Variants in LSM14A observed in about 807,000 individuals in gnomAD.
LSM14A encodes LSM14A mRNA processing body assembly factor, also known as protein LSM14 homolog A.
LSM14A carries 14 observed loss-of-function variants against 52.4 expected under a neutral mutation model. That is an observed-to-expected ratio of 0.27 (90% confidence interval 0.18 to 0.42). The LOEUF is 0.42. LSM14A is among the 10% of genes least tolerant of loss of function. LSM14A has a pLI of 1.00. For synonymous variants in LSM14A, 185 were observed against 200.3 expected, an observed-to-expected ratio of 0.92 and a Z score of 0.64; for missense variants, 417 against 581.8, an observed-to-expected ratio of 0.72 and a Z score of 2.91.
chr19:34,199,983 TG>T (rs1333433988), intron 3 of LSM14A, among the ~76,000 whole-genome samples: 5 of 152,224 alleles, frequency 3.3e-5, no homozygotes, highest in African/African-American at 1.2e-4. Context: ...CACAGACATC[TG>T]GTGGTTACCA....
chr19:34,226,390 T>TA, intron 9 of LSM14A: 2 of 1,493,356 alleles, frequency 1.3e-6, no homozygotes, highest in Non-Finnish European at 1.8e-6. Flanking sequence ...TTTTTTTTTT[T>TA]TTTTTTTTAC....
chr19:34,207,410 T>C (rs1320750864), intron 3 of LSM14A, among the ~76,000 whole-genome samples: 1 of 152,144 alleles, frequency 6.6e-6, no homozygotes, highest in African/African-American at 2.4e-5. Context: ...ACCGGGATAT[T>C]GTGGGAAGTT....
At chr19:34,218,462 C>T (rs2072834115) in intron 6 of LSM14A, among the ~76,000 whole-genome samples, 2 of 152,156 alleles carry the variant, frequency 1.3e-5, no homozygotes, top group Admixed American at 6.5e-5. Flanking sequence ...TTCTCAAACC[C>T]AGGCAGTTTG....
chr19:34,196,405 G>C (rs528382327), intron 2 of LSM14A, among the ~76,000 whole-genome samples: 4 of 152,152 alleles, frequency 2.6e-5, no homozygotes, highest in African/African-American at 9.6e-5. Flanking sequence ...GGAGTTTATT[G>C]TAGAAAAAAG....
chr19:34,217,257 A>C (rs1239183050), intron 6 of LSM14A, among the ~76,000 whole-genome samples: 3 of 23,996 alleles, frequency 1.3e-4, no homozygotes, highest in African/African-American at 4.8e-4. Context: ...GAGTCTGTCA[A>C]AAAAAAAAAA....
rs1039073221 is a variant in LSM14A at position 34,172,511 on chromosome 19, C to T, written c.-132C>T. On this transcript the variant is annotated 5_prime_UTR_variant, in exon 1 of 10. Coordinates refer to ENST00000544216, the MANE Select transcript of LSM14A (RefSeq NM_015578.4). ...GGGAGGCTGGGGGAGGGTAGCGGAGCCGGCGCCGCCGCCATGTTGGGTCTG... is the reference window on the plus strand; with the variant it reads ...GGGAGGCTGGGGGAGGGTAGCGGAGTCGGCGCCGCCGCCATGTTGGGTCTG... 3 of 1,056,366 alleles carry T rather than the reference C, an allele frequency of 2.8e-6. No individual in the cohort carries two copies. Among genetic ancestry groups the T allele is most frequent in the African/African-American group, 3.4e-5 (2 of 59,668 alleles). 65.4% of individuals were successfully genotyped at this position (1,056,366 alleles called of 1,614,324 possible). A position where few individuals can be genotyped will look rare whatever the true frequency, so the allele number is the denominator to read the frequency against.
intron 1 of LSM14A, among the ~76,000 whole-genome samples, chr19:34,193,047 T>G (rs778705674): frequency 2.0e-5 from 3 of 152,208 alleles, no homozygotes; most frequent in Non-Finnish European, 4.4e-5. Flanking sequence ...AAATGAAATA[T>G]GATGTTTCAT....
chr19:34,173,657 CAGAA>C (rs1403085869), intron 1 of LSM14A, among the ~76,000 whole-genome samples: 1 of 152,056 alleles, frequency 6.6e-6, no homozygotes, highest in Admixed American at 6.6e-5. Flanking sequence ...GCCAGGAAAC[CAGAA>C]AGAAAATAAA....
chr19:34,179,916 C>G (rs1157596343), intron 1 of LSM14A, among the ~76,000 whole-genome samples: 1 of 152,028 alleles, frequency 6.6e-6, no homozygotes, highest in African/African-American at 2.4e-5. Context: ...AACTAGATAC[C>G]ATTGAAGTAA....
intron 3 of LSM14A, among the ~76,000 whole-genome samples, chr19:34,198,641 A>G (rs1271240194): frequency 6.6e-6 from 1 of 152,016 alleles, no homozygotes; most frequent in Non-Finnish European, 1.5e-5. Flanking sequence ...AATAAAACTG[A>G]ATGAATATAA....
At position 34,219,491 on chromosome 19, in the gene LSM14A, A is replaced by G. The variant is rs2044366370; in HGVS notation, c.882A>G (p.Lys294=). 6.2e-6 allele frequency: 10 copies of G among 1,614,100 alleles called. No individual in the cohort carries two copies. The highest frequency in any genetic ancestry group is 8.5e-6 in the Non-Finnish European group (10 of 1,180,002). The part of the protein sequence containing the change: ...IRRDGPMKFE[K]DFDFESANAQ... The stretch of plus-strand genomic sequence containing the variant: ...GAGATGGGCCAATGAAATTTGAGAA[A>G]GACTTTGACTTTGAAAGTGCAAATG... The change falls in exon 7 of 10, where the codon AAA becomes AAG. Residue 294 remains lysine, a synonymous_variant. Coordinates refer to ENST00000544216, the MANE Select transcript of LSM14A (RefSeq NM_015578.4).
chr19:34,217,605 TCCCCCCCCCCCGTG>T, intron 6 of LSM14A, among the ~76,000 whole-genome samples: 1 of 55,516 alleles, frequency 1.8e-5, no homozygotes, highest in Non-Finnish European at 3.0e-5. Context: ...TATTTTTATA[TCCCCCCCCCCCGTG>T]TTTTTTTTTT....
Position 34,196,703 on chromosome 19 carries a change from A to G in LSM14A, c.355A>G (p.Thr119Ala), listed in dbSNP as rs755188521. 2 of 1,613,704 alleles carry G rather than the reference A, an allele frequency of 1.2e-6. No homozygotes were observed. Among genetic ancestry groups the G allele is most frequent in the Non-Finnish European group, 8.5e-7 (1 of 1,179,900 alleles). The change falls in exon 3 of 10, where the codon ACA becomes GCA. Residue 119 changes from threonine to alanine, a missense_variant. By Grantham distance (58) the Thr-to-Ala change is moderately conservative. Transcript: ENST00000544216. ...TTATGGACCTTTCGGCAGGATGCCC[A>G]CATACAGTCAGTTCAGTCCGAGTTC... ...GSYGPFGRMP[T>A]YSQFSPSSLV...
At chr19:34,205,843 G>A (rs148125841) in intron 3 of LSM14A, among the ~76,000 whole-genome samples, 106 of 152,152 alleles carry the variant, frequency 7.0e-4, no homozygotes, top group Non-Finnish European at 7.8e-4. Context: ...TGTTTTGGGT[G>A]GGTTTTTTTA....
intron 1 of LSM14A, among the ~76,000 whole-genome samples, chr19:34,189,463 A>G (rs191632283): frequency 1.3e-5 from 2 of 152,274 alleles, no homozygotes; most frequent in African/African-American, 4.8e-5. Flanking sequence ...CAAGTATTTG[A>G]AAGAAATGGG....
Position 34,200,386 on chromosome 19 carries a change from A to G in LSM14A, c.415+3623A>G, listed in dbSNP as rs74790735. ...AGAACATTTTAGGGACTACTAAGGA[A>G]CTTTTGAGTATGGACTAATTGTTGG... On this transcript the variant is annotated intron_variant, in intron 3 of 9. Transcript: ENST00000544216. Among the ~76,000 whole-genome samples the G allele has an allele frequency of 3.0e-4, 46 of 152,310 alleles. 1 individual carries two copies. The East Asian group carries it at 8.9e-3, about 29-fold the overall frequency.
intron 1 of LSM14A, among the ~76,000 whole-genome samples, chr19:34,183,575 C>T (rs1255358270): frequency 6.6e-6 from 1 of 151,760 alleles, no homozygotes; most frequent in African/African-American, 2.4e-5. Flanking sequence ...AATAAATAAA[C>T]CCATAAAGGA....
In LSM14A at chr19:34,215,248, G is replaced by C. The variant is rs543705839; in HGVS notation, c.663G>C (p.Arg221Ser). 2 of 1,614,034 alleles carry C rather than the reference G, an allele frequency of 1.2e-6. No homozygotes were observed. The highest frequency in any genetic ancestry group is 2.2e-5 in the South Asian group (2 of 91,050). Residue 221 changes from arginine (R) to serine (S), a missense_variant, in exon 5 of 10, where the codon AGG becomes AGC. Physicochemically the swap from Arg to Ser is moderately radical, Grantham distance 110. This residue lies in a region of LSM14A where 357 missense variants were observed against 457.0 expected (regional missense o/e 0.78). Coordinates refer to ENST00000544216, the MANE Select transcript of LSM14A (RefSeq NM_015578.4). ...AVGRRSPVST[R>S]PLPSASQKAG... is the part of the protein sequence containing the mutation. ...GGAGAAGGAGTCCTGTATCAACCAG[G>C]CCTTTGCCATCTGCCAGCCAAAAGG...
At chr19:34,193,771 C>T (rs886232545) in intron 1 of LSM14A, among the ~76,000 whole-genome samples, 1 of 152,162 alleles carries the variant, frequency 6.6e-6, no homozygotes, top group Non-Finnish European at 1.5e-5. Context: ...GGTCAATACC[C>T]AAACTTTGAG....
Sources: allele counts gnomAD v4.1 joint callset (sites outside exome capture counted in the v4.1 genomes callset), GRCh38; gene constraint gnomAD v4.1.1; regional missense constraint gnomAD v4.1.1; transcripts MANE v1.5; gene names NCBI Gene and HGNC (gene_info 2026-07-23, HGNC 2026-07-21).